MIX23: variants seen among roughly 807,000 people sequenced by gnomAD.
MIX23 encodes protein MIX23.
Under a neutral mutation model 21.6 loss-of-function variants are expected in MIX23, and 13 were observed. The observed-to-expected ratio is 0.60, with a 90% CI of 0.39 to 0.96. The LOEUF (loss-of-function observed/expected upper bound fraction) is 0.96. MIX23 is among the 40% of genes least tolerant of loss of function. The probability of loss-of-function intolerance (pLI) is 0.00; values close to 1 mark genes in which losing one functional copy is unlikely to be tolerated. For missense variants in MIX23, 144 were observed against 171.2 expected (o/e 0.84, Z 0.89); for synonymous variants, 59 against 58.0 (o/e 1.02, Z -0.08).
intron 3 of MIX23, among the ~76,000 whole-genome samples, chr3:122,363,332 C>A (rs2075373777): frequency 1.4e-5 from 2 of 147,568 alleles, no homozygotes; most frequent in Admixed American, 6.7e-5. Flanking sequence ...GTAAACATAA[C>A]AAAATGCCAA....
intron 2 of MIX23, among the ~76,000 whole-genome samples, chr3:122,371,413 CT>C (rs1272791459): frequency 6.6e-6 from 1 of 152,258 alleles, no homozygotes; most frequent in Non-Finnish European, 1.5e-5. Flanking sequence ...TACATAAGGT[CT>C]CCTTAAGTTA....
Position 122,371,584 on chromosome 3 carries a change from T to C in MIX23, c.177+91A>G, listed in dbSNP as rs113883296. The C allele has an allele frequency of 2.1e-6, 3 of 1,410,060 alleles. No homozygotes were observed. The East Asian group carries it at 6.9e-5, about 32-fold the overall frequency. 87.3% of individuals were successfully genotyped at this position (1,410,060 alleles called of 1,614,324 possible). ...AGGCAAAGAAAAGATGTCATTCCTT[T>C]AGTCACAGTCGAGTTACAAGATAAC... On this transcript the variant is annotated intron_variant, in intron 2 of 4. Transcript: ENST00000291458.
At chr3:122,383,028 GC>G (rs938772188) in intron 1 of MIX23, 145 bp downstream of exon 1, 2 of 1,039,838 alleles carry the variant, frequency 1.9e-6, no homozygotes, top group Non-Finnish European at 3.0e-6. Flanking sequence ...CCAAACCCGC[GC>G]CCCCCATGAC....
intron 1 of MIX23, among the ~76,000 whole-genome samples, chr3:122,381,970 T>G (rs2075536360): frequency 6.6e-6 from 1 of 152,172 alleles, no homozygotes; most frequent in African/African-American, 2.4e-5. Context: ...TCCAGAACTG[T>G]GAAAAAATAA....
intron 2 of MIX23, among the ~76,000 whole-genome samples, chr3:122,368,538 G>A (rs1329132639): frequency 6.6e-6 from 1 of 152,044 alleles, no homozygotes; most frequent in Non-Finnish European, 1.5e-5. Context: ...ATGAGGTCTG[G>A]GGCTGTCCTC....
rs1298758877 is a variant in MIX23, at chr3:122,367,549, T to C, written c.324+627A>G. Among the ~76,000 whole-genome samples, 4 of 152,214 alleles carry C rather than the reference T, an allele frequency of 2.6e-5. No homozygotes were observed. In the East Asian group the frequency reaches 7.7e-4, roughly 29 times the overall value. ...TAGGTACTTGCTATTTTCTTAAAAG[T>C]AAAAACACTGCAGGGATAGGGGAGG... On this transcript the variant is annotated intron_variant, in intron 3 of 4. Coordinates refer to ENST00000291458, the MANE Select transcript of MIX23 (RefSeq NM_001017928.4).
chr3:122,370,520 G>A (rs1319355835), intron 2 of MIX23, among the ~76,000 whole-genome samples: 1 of 148,204 alleles, frequency 6.7e-6, no homozygotes, highest in Non-Finnish European at 1.5e-5. Flanking sequence ...AGGTTACCCA[G>A]CTAGGAGGTA....
At chr3:122,361,713 A>C (rs1184293912) in intron 4 of MIX23, among the ~76,000 whole-genome samples, 3 of 152,186 alleles carry the variant, frequency 2.0e-5, no homozygotes, top group Non-Finnish European at 4.4e-5. Context: ...TTATTTTTCC[A>C]GAGAATATAA....
Position 122,368,241 on chromosome 3 carries a change from C to T in MIX23, c.259G>A (p.Glu87Lys). 1 of 1,610,074 alleles carries T rather than the reference C, an allele frequency of 6.2e-7. No individual in the cohort carries two copies. Among genetic ancestry groups the T allele is most frequent in the South Asian group, 1.1e-5 (1 of 90,988 alleles). Residue 87 changes from glutamate (E) to lysine (K), a missense_variant, in exon 3 of 5, where the codon GAA becomes AAA. Glu to Lys is a moderately conservative substitution (Grantham distance 56). Transcript: ENST00000291458. ...TCGTCCAAATTCTTTTCTCTCTCTT[C>T]TCGGAGGTTTTTTACTACTGCTGAA... is the stretch of plus-strand genomic sequence containing the variant. The part of the protein sequence containing the change: ...QTSAVVKNLR[E>K]EREKNLDDLT...
chr3:122,375,795 A>G (rs1193475054), intron 1 of MIX23, among the ~76,000 whole-genome samples: 1 of 152,202 alleles, frequency 6.6e-6, no homozygotes, highest in African/African-American at 2.4e-5. Flanking sequence ...GAGACTTCTC[A>G]GAGAACCAAC....
At chr3:122,372,806 G>A (rs993772630) in intron 1 of MIX23, among the ~76,000 whole-genome samples, 2 of 151,888 alleles carry the variant, frequency 1.3e-5, no homozygotes, top group East Asian at 3.9e-4. Flanking sequence ...ACTCCTGCCT[G>A]GGCAATAGTA....
At chr3:122,374,620 G>A (rs766758700) in intron 1 of MIX23, among the ~76,000 whole-genome samples, 4 of 152,096 alleles carry the variant, frequency 2.6e-5, no homozygotes, top group Non-Finnish European at 5.9e-5. Flanking sequence ...TCGATCCACG[G>A]TTGATTGAAT....
intron 1 of MIX23, among the ~76,000 whole-genome samples, chr3:122,378,606 A>G (rs952802004): frequency 6.6e-6 from 1 of 152,240 alleles, no homozygotes; most frequent in Non-Finnish European, 1.5e-5. Context: ...ACTGTACTGA[A>G]TGCTGTGGGC....
intron 1 of MIX23, among the ~76,000 whole-genome samples, chr3:122,381,870 ATAAC>A (rs2075535462): frequency 6.6e-6 from 1 of 152,220 alleles, no homozygotes. Context: ...AAGCCTTACT[ATAAC>A]TAATTCTGAT....
intron 4 of MIX23, among the ~76,000 whole-genome samples, chr3:122,360,934 C>T (rs2075353802): frequency 6.6e-6 from 1 of 152,166 alleles, no homozygotes; most frequent in African/African-American, 2.4e-5. Flanking sequence ...ACCTCCACCT[C>T]CTGGGTTCAA....
intron 1 of MIX23, among the ~76,000 whole-genome samples, chr3:122,379,172 C>T (rs967004495): frequency 1.3e-4 from 20 of 151,972 alleles, no homozygotes; most frequent in African/African-American, 4.6e-4. Flanking sequence ...AACATTGTAG[C>T]GAAATAAAGT....
At chr3:122,362,892 C>A in intron 4 of MIX23, 76 bp downstream of exon 4, 1 of 1,142,782 alleles carries the variant, frequency 8.8e-7, no homozygotes. Context: ...GCACTCTTTA[C>A]TCCCCCTCCC....
At chr3:122,368,561 C>T (rs1205308013) in intron 2 of MIX23, among the ~76,000 whole-genome samples, 2 of 152,092 alleles carry the variant, frequency 1.3e-5, no homozygotes, top group African/African-American at 4.8e-5. Context: ...CCTCAATATG[C>T]TCCTGGTATT....
rs748569885 is a variant in MIX23, at chr3:122,359,906, C to T, written c.398G>A (p.Arg133His). The T allele has an allele frequency of 4.0e-5, 63 of 1,569,856 alleles. 1 individual carries two copies. Among genetic ancestry groups the T allele is most frequent in the South Asian group, 3.9e-4 (33 of 84,278 alleles). Reference protein sequence around the residue: ...NDRSWKVFNERCRIHFKPPKN... With the variant: ...NDRSWKVFNEHCRIHFKPPKN... ...TGGAGGCTTGAAGTGAATTCGGCAG[C>T]GTTCATTAAACACCTAAAATATTGA... is the stretch of plus-strand genomic sequence containing the variant. Residue 133 changes from arginine (R) to histidine (H), a missense_variant, in exon 5 of 5, where the codon CGC becomes CAC. Arg to His is a conservative substitution (Grantham distance 29). Coordinates refer to ENST00000291458, the MANE Select transcript of MIX23 (RefSeq NM_001017928.4).
Sources: allele counts gnomAD v4.1 joint callset (sites outside exome capture counted in the v4.1 genomes callset), GRCh38; gene constraint gnomAD v4.1.1; transcripts MANE v1.5; gene names NCBI Gene and HGNC (gene_info 2026-07-23, HGNC 2026-07-21).